Variants in ST18 observed in about 807,000 individuals in gnomAD.
The protein encoded by ST18 is suppression of tumorigenicity 18 protein.
In ST18, 50 loss-of-function variants were observed where a neutral mutation model predicts 110.0. The ratio of observed to expected loss-of-function variants is 0.45; its 90% CI spans 0.36 to 0.58. The LOEUF (loss-of-function observed/expected upper bound fraction) is 0.58, where lower values mean the gene tolerates loss of function less well. Among genes scored for constraint, ST18 ranks in the 20% least tolerant of loss-of-function variants. ST18 has a pLI of 0.00. For missense variants in ST18, 1,306 were observed against 1,280.1 expected, an observed-to-expected ratio of 1.02 and a Z score of -0.31; for synonymous variants, 461 against 452.4, an observed-to-expected ratio of 1.02 and a Z score of -0.24.
intron 17 of ST18, among the ~76,000 whole-genome samples, chr8:52,141,187 C>A (rs1222704474): frequency 6.6e-6 from 1 of 152,168 alleles, no homozygotes; most frequent in Non-Finnish European, 1.5e-5. Flanking sequence ...AATGCAAAGT[C>A]TAAGCTTATT....
Position 52,133,106 on chromosome 8 carries a change from C to T in ST18, c.2395G>A (p.Gly799Ser). 1 of 1,614,116 alleles carries T rather than the reference C, an allele frequency of 6.2e-7. No individual in the cohort carries two copies. The highest frequency in any genetic ancestry group is 1.6e-4 in the Middle Eastern group (1 of 6,062). ...LSGCPRARKGGVKMTPTKEEK... is the reference protein window; with the variant it reads ...LSGCPRARKGSVKMTPTKEEK... ...TCCTTGGTAGGGGTCATTTTGACACCACCTTTCCTTGCACGAGGGCATCCG... is the reference window on the plus strand; with the variant it reads ...TCCTTGGTAGGGGTCATTTTGACACTACCTTTCCTTGCACGAGGGCATCCG... Residue 799 changes from glycine (G) to serine (S), a missense_variant, in exon 21 of 26, where the codon GGT (glycine) becomes AGT (serine). Physicochemically the swap from Gly to Ser is moderately conservative, Grantham distance 56. Transcript: ENST00000689386.
At chr8:52,286,632 G>C (rs2095475690) in intron 2 of ST18, among the ~76,000 whole-genome samples, 2 of 151,874 alleles carry the variant, frequency 1.3e-5, no homozygotes, top group Non-Finnish European at 2.9e-5. Flanking sequence ...AGAAATATGG[G>C]TCACCTCCAT....
At chr8:52,250,445 CAAAAAAAAAAAAAAAAAAAA>C (rs1159770176) in intron 2 of ST18, among the ~76,000 whole-genome samples, 1 of 4,272 alleles carries the variant, frequency 2.3e-4, no homozygotes, top group South Asian at 0.012. Context: ...GCCTCAAAGG[CAAAAAAAAAAAAAAAAAAAA>C]AAAAAAAAAA....
chr8:52,397,091 A>T (rs9643473), intron 2 of ST18, among the ~76,000 whole-genome samples: 147,117 of 152,282 alleles, frequency 0.97, 71,186 homozygotes, highest in Non-Finnish European at 1. Flanking sequence ...TCAATCTACA[A>T]TTTCACCAAC....
Position 52,180,277 on chromosome 8 carries a change from G to A in ST18, c.122C>T (p.Thr41Ile), listed in dbSNP as rs141563583. The A allele has an allele frequency of 1.8e-5, 29 of 1,614,052 alleles. No individual in the cohort carries two copies. Among genetic ancestry groups the A allele is most frequent in the African/African-American group, 2.7e-5 (2 of 74,922 alleles). ...AACCCCCAAAGCCTGATCTTCAGCT[G>A]TTCTCTTCTTTGCCATGGAGCAATC... is the stretch of plus-strand genomic sequence containing the variant. ...AYDCSMAKKR[T>I]AEDQALGVPV... Residue 41 changes from threonine to isoleucine, a missense_variant, in exon 9 of 26, where the codon ACA becomes ATA. Transcript: ENST00000689386.
chr8:52,223,572 A>G (rs2087852317), intron 3 of ST18, among the ~76,000 whole-genome samples: 1 of 151,898 alleles, frequency 6.6e-6, no homozygotes, highest in African/African-American at 2.4e-5. Flanking sequence ...TGAGCCCAGG[A>G]GGCAGAGGTT....
intron 2 of ST18, among the ~76,000 whole-genome samples, chr8:52,345,096 C>A (rs1055555722): frequency 6.6e-6 from 1 of 151,974 alleles, no homozygotes; most frequent in Non-Finnish European, 1.5e-5. Context: ...CCAAACAAAC[C>A]AAAACTAGGA....
rs1225435013 is a variant in ST18 at position 52,234,350 on chromosome 8, C to T, written c.-464-4273G>A. The stretch of plus-strand genomic sequence containing the variant: ...CTCAATCTCGGCTCACTGCAACCTC[C>T]GCCCCCCGGATTCAAGTGATTCTCC... On this transcript the variant is annotated intron_variant, in intron 2 of 25. Transcript: ENST00000689386. Among the ~76,000 whole-genome samples, 8 of 152,062 alleles carry T rather than the reference C, an allele frequency of 5.3e-5. 1 individual carries two copies. In the South Asian group the frequency reaches 6.2e-4, roughly 12 times the overall value.
At chr8:52,125,748 C>T in intron 23 of ST18, 1 of 279,794 alleles carries the variant, frequency 3.6e-6, no homozygotes, top group Non-Finnish European at 6.6e-6. Flanking sequence ...CCTTGGTCTC[C>T]CAAAGTGCTG....
chr8:52,124,749 T>C (rs2046328799), intron 23 of ST18, among the ~76,000 whole-genome samples: 1 of 152,076 alleles, frequency 6.6e-6, no homozygotes, highest in Admixed American at 6.6e-5. Context: ...CTCCTCTGCA[T>C]GTACACTCCC....
At chr8:52,220,511 G>C (rs2086228379) in intron 5 of ST18, 1 of 152,032 alleles carries the variant, frequency 6.6e-6, no homozygotes, top group Non-Finnish European at 1.5e-5. Context: ...CAATCAATAT[G>C]CAAAACGGTT....
At chr8:52,173,593 G>T (rs2065791560) in intron 9 of ST18, among the ~76,000 whole-genome samples, 1 of 152,164 alleles carries the variant, frequency 6.6e-6, no homozygotes, top group Admixed American at 6.5e-5. Flanking sequence ...GCAAGTGAGG[G>T]TGGATTCACA....
chr8:52,392,637 T>C (rs1839692522), intron 2 of ST18, among the ~76,000 whole-genome samples: 1 of 152,194 alleles, frequency 6.6e-6, no homozygotes, highest in South Asian at 2.1e-4. Context: ...ACAGATTTAT[T>C]GAAACAGTTT....
In ST18 at chr8:52,271,141, G is replaced by C. The variant is rs151203465; in HGVS notation, c.-464-41064C>G. On this transcript the variant is annotated intron_variant, in intron 2 of 25. Coordinates refer to ENST00000689386, the MANE Select transcript of ST18 (RefSeq NM_001352837.2). ...TCTCGATCTTCTGACCTTGTGATCCGCCCACCTCAGCCTCCCAAATAGGGT... is the reference window on the plus strand; with the variant it reads ...TCTCGATCTTCTGACCTTGTGATCCCCCCACCTCAGCCTCCCAAATAGGGT... Among the ~76,000 whole-genome samples, 3 of 152,078 alleles carry C rather than the reference G, an allele frequency of 2.0e-5. No homozygotes were observed. In the East Asian group the frequency reaches 5.8e-4, roughly 29 times the overall value.
intron 2 of ST18, chr8:52,254,496 C>T (rs2138477507): frequency 6.6e-6 from 1 of 152,234 alleles, no homozygotes; most frequent in Non-Finnish European, 1.5e-5. Flanking sequence ...CGGCTCTGGG[C>T]CCAAAACTTT....
chr8:52,180,322 T>C lies in ST18; in HGVS notation c.87-10A>G, dbSNP rs778926972. The C allele has an allele frequency of 3.7e-6, 6 of 1,613,168 alleles. No individual in the cohort carries two copies. In the African/African-American group the frequency reaches 5.3e-5, roughly 14 times the overall value. On this transcript the variant is annotated splice_polypyrimidine_tract_variant and intron_variant, in intron 8 of 25. Transcript: ENST00000689386. ...GCAATCATAGGCAACACTGTAGTGATTGAGGAAAATTAAGAATATGGTAAA... is the reference window on the plus strand; with the variant it reads ...GCAATCATAGGCAACACTGTAGTGACTGAGGAAAATTAAGAATATGGTAAA...
intron 2 of ST18, among the ~76,000 whole-genome samples, chr8:52,358,165 A>G (rs1395841197): frequency 1.3e-5 from 2 of 152,020 alleles, no homozygotes; most frequent in Non-Finnish European, 2.9e-5. Flanking sequence ...AGTGAAAATG[A>G]AAACACAAAA....
At chr8:52,125,816 T>C (rs1168799736) in intron 23 of ST18, 5 of 499,546 alleles carry the variant, frequency 1.0e-5, no homozygotes, top group Non-Finnish European at 1.1e-5. Flanking sequence ...TAATCCATCA[T>C]ACCCCACTGC....
intron 2 of ST18, among the ~76,000 whole-genome samples, chr8:52,301,651 T>G (rs1435133701): frequency 6.6e-6 from 1 of 152,210 alleles, no homozygotes; most frequent in South Asian, 2.1e-4. Context: ...TAAGAAAAGA[T>G]AAATTATTGT....
Sources: allele counts gnomAD v4.1 joint callset (sites outside exome capture counted in the v4.1 genomes callset), GRCh38; gene constraint gnomAD v4.1.1; transcripts MANE v1.5; gene names NCBI Gene and HGNC (gene_info 2026-07-23, HGNC 2026-07-21).